The following C4orf54 variants were observed in gnomAD, a reference collection of about 807,000 sequenced individuals.
C4orf54 encodes uncharacterized protein C4orf54.
C4orf54 carries 67 observed loss-of-function variants against 80.1 expected under a neutral mutation model. The ratio of observed to expected loss-of-function variants is 0.84; its 90% CI spans 0.69 to 1.03. The LOEUF (loss-of-function observed/expected upper bound fraction) is 1.03, where lower values mean the gene tolerates loss of function less well. C4orf54 is among the 50% of genes least tolerant of loss of function. The pLI is 0.00. For missense variants in C4orf54, 2,434 were observed against 2,253.5 expected (o/e 1.08, Z -1.62); for synonymous variants, 1,000 against 917.0 (o/e 1.09, Z -1.64).
At chr4:99,657,107 C>T (rs1434080515) in intron 1 of C4orf54, among the ~76,000 whole-genome samples, 2 of 152,204 alleles carry the variant, frequency 1.3e-5, no homozygotes, top group Non-Finnish European at 2.9e-5. Context: ...TTCAATGTCC[C>T]ATTTAAATTT....
chr4:99,643,793 C>CA (rs1553929797), intron 2 of C4orf54, among the ~76,000 whole-genome samples: 5,690 of 73,754 alleles, frequency 0.077, 158 homozygotes, highest in African/African-American at 0.14. Context: ...CACACACACA[C>CA]CCCCTCCGCG....
Position 99,650,787 on chromosome 4 carries a change from T to TGTC in C4orf54, c.3859_3861dup (p.Asp1287dup). On this transcript the variant is annotated inframe_insertion, in exon 2 of 3. Transcript: ENST00000511828. ...CTGGCAATGAGCGACAGCACGTGGC[T>TGTC]GTCCATCATCATAGGCAAGGGGTCG... 1 of 1,536,160 alleles carries TGTC rather than the reference T, an allele frequency of 6.5e-7. No individual in the cohort carries two copies.
Position 99,650,071 on chromosome 4 carries a change from T to G in C4orf54, c.4578A>C (p.Gly1526=). ...TGGTACGCCAAGCTGGTCGGCTGGT[T>G]CCACTAACCTGAGAGCCTTTGGAGC... ...PSSSKGSQVS[G]TSRPAWRTKP... The change falls in exon 2 of 3, where the codon GGA becomes GGC. Residue 1526 remains glycine, a synonymous_variant. Coordinates refer to ENST00000511828, the MANE Select transcript of C4orf54 (RefSeq NM_001354435.2). 1 of 1,535,886 alleles carries G rather than the reference T, an allele frequency of 6.5e-7. No individual in the cohort carries two copies. The highest frequency in any genetic ancestry group is 2.4e-5 in the East Asian group (1 of 40,878).
chr4:99,650,654 A>G lies in C4orf54; in HGVS notation c.3995T>C (p.Leu1332Pro), dbSNP rs1265063046. Residue 1332 changes from leucine (L) to proline (P), a missense_variant, in exon 2 of 3, where the codon CTG (leucine) becomes CCG (proline). Physicochemically the swap from Leu to Pro is moderately conservative, Grantham distance 98. Coordinates refer to ENST00000511828, the MANE Select transcript of C4orf54 (RefSeq NM_001354435.2). ...CAGACGTTCTATGGGGGCCCCTCGCAGGACCACACCAGCTTTGTTTCCTGT... is the reference window on the plus strand; with the variant it reads ...CAGACGTTCTATGGGGGCCCCTCGCGGGACCACACCAGCTTTGTTTCCTGT... ...RGTGNKAGVV[L>P]RGAPIERLQR... The G allele has an allele frequency of 6.5e-7, 1 of 1,535,962 alleles. No homozygotes were observed. Among genetic ancestry groups the G allele is most frequent in the African/African-American group, 1.4e-5 (1 of 73,012 alleles).
Position 99,652,429 on chromosome 4 carries a change from C to T in C4orf54, c.2220G>A (p.Gln740=). Residue 740 remains glutamine (Q), a synonymous_variant, in exon 2 of 3, where the codon CAG becomes CAA. Coordinates refer to ENST00000511828, the MANE Select transcript of C4orf54 (RefSeq NM_001354435.2). ...TGACGACGCGGGAGCCCGTCTGGAC[C>T]TGCTTCTGGAAACACAGGGGCGTCT... The part of the protein sequence containing the change: ...HVETPLCFQK[Q]VQTGSRVVTL... 6.5e-7 allele frequency: 1 copy of T among 1,536,098 alleles called. No individual in the cohort carries two copies. The highest frequency in any genetic ancestry group is 8.7e-7 in the Non-Finnish European group (1 of 1,146,908).
Position 99,652,215 on chromosome 4 carries a change from G to C in C4orf54, c.2434C>G (p.Leu812Val). The C allele has an allele frequency of 1.3e-6, 2 of 1,535,958 alleles. No homozygotes were observed. The highest frequency in any genetic ancestry group is 1.7e-6 in the Non-Finnish European group (2 of 1,146,854). ...TTCTTGGAAATGACATTTTTGAGCA[G>C]ACTGGAGGCGAACTTGGACTTCTGG... is the stretch of plus-strand genomic sequence containing the variant. The part of the protein sequence containing the change: ...GPQKSKFASS[L>V]LKNVISKKMQ... Residue 812 changes from leucine (L) to valine (V), a missense_variant, in exon 2 of 3, where the codon CTG becomes GTG. Leu to Val is a conservative substitution (Grantham distance 32). Transcript: ENST00000511828.
Position 99,643,791 on chromosome 4 carries a change from CA to C in C4orf54, c.*37-2596del, listed in dbSNP as rs1428823776. Among the ~76,000 whole-genome samples the C allele has an allele frequency of 4.5e-3, 535 of 119,092 alleles. 6 individuals are homozygous for C. Among genetic ancestry groups the C allele is most frequent in the Non-Finnish European group, 6.6e-3 (383 of 57,854 alleles). The allele number at this position is 119,092 out of a possible 152,430, so 78.1% of individuals were successfully genotyped here. A position where few individuals can be genotyped will look rare whatever the true frequency, so the allele number is the denominator to read the frequency against. On this transcript the variant is annotated intron_variant, in intron 2 of 2. Transcript: ENST00000511828. ...ACACACACACACACACACACACACA[CA>C]CCCCCTCCGCGGCAGTAAAACGGCC... is the stretch of plus-strand genomic sequence containing the variant.
At chr4:99,647,535 C>T (rs1044674926) in intron 2 of C4orf54, among the ~76,000 whole-genome samples, 3 of 152,188 alleles carry the variant, frequency 2.0e-5, no homozygotes, top group Admixed American at 2.0e-4. Context: ...CTCCCCTCTT[C>T]ATCTGTTATC....
chr4:99,648,244 C>T (rs181433748), intron 2 of C4orf54, among the ~76,000 whole-genome samples: 5 of 152,148 alleles, frequency 3.3e-5, no homozygotes, highest in South Asian at 2.1e-4. Flanking sequence ...TGAAGTGTCC[C>T]GGTTTGAACA....
At position 99,652,372 on chromosome 4, in the gene C4orf54, C is replaced by A. The variant is rs981256778; in HGVS notation, c.2277G>T (p.Glu759Asp). 2 of 1,535,998 alleles carry A rather than the reference C, an allele frequency of 1.3e-6. No homozygotes were observed. Among genetic ancestry groups the A allele is most frequent in the African/African-American group, 2.7e-5 (2 of 73,056 alleles). Reference sequence around the variant, plus strand: ...GCCCAGGGGCCGAGCTGGCTTTGCTCTCACTGCGTACATTCAGGGGCTCCA... The same window carrying A: ...GCCCAGGGGCCGAGCTGGCTTTGCTATCACTGCGTACATTCAGGGGCTCCA... The part of the protein sequence containing the change: ...TLLEPLNVRS[E>D]SKASSAPGPG... The change falls in exon 2 of 3, where the codon GAG becomes GAT. Residue 759 changes from glutamate to aspartate, a missense_variant. Coordinates refer to ENST00000511828, the MANE Select transcript of C4orf54 (RefSeq NM_001354435.2).
intron 2 of C4orf54, among the ~76,000 whole-genome samples, chr4:99,648,464 A>G (rs1459320969): frequency 6.6e-6 from 1 of 152,154 alleles, no homozygotes; most frequent in Non-Finnish European, 1.5e-5. Flanking sequence ...TAATGTGTTC[A>G]GTCTGGACAG....
In C4orf54 at chr4:99,638,433, GA is replaced by G. The variant is rs1205735582; in HGVS notation, c.*2799del. 2.6e-5 allele frequency: 4 copies of G among 152,142 alleles called. No individual in the cohort carries two copies. Among genetic ancestry groups the G allele is most frequent in the Non-Finnish European group, 5.9e-5 (4 of 67,960 alleles). 9.4% of individuals were successfully genotyped at this position (152,142 alleles called of 1,614,324 possible). A position where few individuals can be genotyped will look rare whatever the true frequency, so the allele number is the denominator to read the frequency against. On this transcript the variant is annotated 3_prime_UTR_variant, in exon 3 of 3. Transcript: ENST00000511828. ...CAACAAGTAAAAAGTGGATCTTCTGGAAAACTAAGCCACACATATAACCCTA... is the reference window on the plus strand; with the variant it reads ...CAACAAGTAAAAAGTGGATCTTCTGGAAACTAAGCCACACATATAACCCTA...
In C4orf54 at chr4:99,651,938, C is replaced by G. The variant is rs757717307; in HGVS notation, c.2711G>C (p.Arg904Pro). The G allele has an allele frequency of 6.5e-7, 1 of 1,536,086 alleles. No homozygotes were observed. Among genetic ancestry groups the G allele is most frequent in the South Asian group, 1.2e-5 (1 of 84,058 alleles). The change falls in exon 2 of 3, where the codon CGC (arginine) becomes CCC (proline). Residue 904 changes from arginine (R) to proline (P), a missense_variant. By Grantham distance (103) the Arg-to-Pro change is moderately radical (BLOSUM62 -2). Coordinates refer to ENST00000511828, the MANE Select transcript of C4orf54 (RefSeq NM_001354435.2). ...CCGGCCAGGGCCTGCGTTGCGCTCG[C>G]GAGGAGTACTGGCTTTGAAGACTGG... ...KSPVFKASTPRERNAGPGRNF... is the reference protein window; with the variant it reads ...KSPVFKASTPPERNAGPGRNF...
At position 99,653,386 on chromosome 4, in the gene C4orf54, A is replaced by C. The variant is rs1021538792; in HGVS notation, c.1263T>G (p.Ser421Arg). Residue 421 changes from serine to arginine, a missense_variant, in exon 2 of 3, where the codon AGT becomes AGG. Transcript: ENST00000511828. ...GSDETPGDIT[S>R]LTEEDDDNSC... ...TGTTGTCGTCGTCCTCTTCGGTCAG[A>C]CTGGTGATGTCCCCTGGGGTCTCGT... 2.6e-6 allele frequency: 4 copies of C among 1,536,010 alleles called. No homozygotes were observed. Among genetic ancestry groups the C allele is most frequent in the Non-Finnish European group, 3.5e-6 (4 of 1,146,848 alleles).
rs1464116922 is a variant in C4orf54 at position 99,641,105 on chromosome 4, G to A, written c.*128C>T. On this transcript the variant is annotated 3_prime_UTR_variant, in exon 3 of 3. Transcript: ENST00000511828. The stretch of plus-strand genomic sequence containing the variant: ...GAAGCAAAAATTAAGAATAACACAT[G>A]TGGAAGAAGTTTTTCAGATGAAATA... 6.6e-6 allele frequency: 1 copy of A among 152,068 alleles called. No individual in the cohort carries two copies. Among genetic ancestry groups the A allele is most frequent in the Non-Finnish European group, 1.5e-5 (1 of 67,982 alleles). 9.4% of individuals were successfully genotyped at this position (152,068 alleles called of 1,614,324 possible). A position where few individuals can be genotyped will look rare whatever the true frequency, so the allele number is the denominator to read the frequency against.
chr4:99,642,570 G>A (rs1017300326), intron 2 of C4orf54, among the ~76,000 whole-genome samples: 3 of 152,192 alleles, frequency 2.0e-5, no homozygotes, highest in African/African-American at 7.2e-5. Flanking sequence ...ATTAATTTCA[G>A]AGGAATTTGG....
chr4:99,654,301 G>T lies in C4orf54; in HGVS notation c.348C>A (p.Pro116=), dbSNP rs1376562172. The change falls in exon 2 of 3, where the codon CCC becomes CCA. Residue 116 remains proline (P), a synonymous_variant. Transcript: ENST00000511828. ...RGTLLRATLQ[P]LRGQRRTQDF... ...CTTGGGTCCGTCTCTGGCCCCGGAG[G>T]GGCTGCAGAGTTGCCCGAAGCAGGG... The T allele has an allele frequency of 6.5e-7, 1 of 1,529,718 alleles. No individual in the cohort carries two copies. Among genetic ancestry groups the T allele is most frequent in the Admixed American group, 2.0e-5 (1 of 50,994 alleles). The allele number at this position is 1,529,718 out of a possible 1,614,324, so 94.8% of individuals were successfully genotyped here. A position where few individuals can be genotyped will look rare whatever the true frequency, so the allele number is the denominator to read the frequency against.
In C4orf54 at chr4:99,649,980, T is replaced by C; in HGVS notation, c.4669A>G (p.Thr1557Ala). The C allele has an allele frequency of 1.3e-6, 2 of 1,521,642 alleles. No homozygotes were observed. The highest frequency in any genetic ancestry group is 1.8e-6 in the Non-Finnish European group (2 of 1,140,388). The allele number at this position is 1,521,642 out of a possible 1,614,324, so 94.3% of individuals were successfully genotyped here. The change falls in exon 2 of 3, where the codon ACC becomes GCC. Residue 1557 changes from threonine to alanine, a missense_variant. Thr to Ala is a moderately conservative substitution (Grantham distance 58, BLOSUM62 0). Coordinates refer to ENST00000511828, the MANE Select transcript of C4orf54 (RefSeq NM_001354435.2). ...AGCGGCGGCTGGTGGTAGATGGTGG[T>C]GGGGGGATGCTCGGGGCTCTGTGGC... ...PGPQSPEHPP[T>A]TIYHQPPLPF...
At position 99,650,157 on chromosome 4, in the gene C4orf54, A is replaced by G. The variant is rs1207248803; in HGVS notation, c.4492T>C (p.Ser1498Pro). ...AAACTACAGAGAGTGGCAGCTGAGGAGTTGGGGGGCCCCTCCCTGGAAGCC... is the reference window on the plus strand; with the variant it reads ...AAACTACAGAGAGTGGCAGCTGAGGGGTTGGGGGGCCCCTCCCTGGAAGCC... ...PGASREGPPNSSAATLCSLPP... is the reference protein window; with the variant it reads ...PGASREGPPNPSAATLCSLPP... The change falls in exon 2 of 3, where the codon TCC (serine) becomes CCC (proline). Residue 1498 changes from serine to proline, a missense_variant. Physicochemically the swap from Ser to Pro is moderately conservative, Grantham distance 74. Coordinates refer to ENST00000511828, the MANE Select transcript of C4orf54 (RefSeq NM_001354435.2). The G allele has an allele frequency of 7.8e-6, 12 of 1,535,572 alleles. No homozygotes were observed. Among genetic ancestry groups the G allele is most frequent in the Non-Finnish European group, 1.0e-5 (12 of 1,146,792 alleles).
Sources: gnomAD v4.1 joint callset for allele counts (sites outside exome capture counted in the v4.1 genomes callset) on GRCh38, gnomAD v4.1.1 for gene constraint, MANE v1.5 for transcripts, NCBI Gene and HGNC (gene_info 2026-07-23, HGNC 2026-07-21) for gene names.